SCAPER: variants seen among roughly 807,000 people sequenced by gnomAD.
SCAPER encodes S phase cyclin A-associated protein in the endoplasmic reticulum.
Under a neutral mutation model 182.2 loss-of-function variants are expected in SCAPER, and 98 were observed. The ratio of observed to expected loss-of-function variants is 0.54; its 90% CI spans 0.46 to 0.64. The LOEUF is 0.64. SCAPER is among the 30% of genes least tolerant of loss of function. The pLI, the probability that SCAPER is intolerant of heterozygous loss-of-function variation, is 0.00. For missense variants in SCAPER, 1,432 were observed against 1,690.0 expected (o/e 0.85, Z 2.68); for synonymous variants, 605 against 564.6 (o/e 1.07, Z -1.01).
chr15:76,806,713 A>G (rs1212994754), intron 5 of SCAPER, among the ~76,000 whole-genome samples: 4 of 152,040 alleles, frequency 2.6e-5, no homozygotes, highest in Non-Finnish European at 2.9e-5. Flanking sequence ...GGTTTCTCTT[A>G]TTTCTTACAA....
intron 23 of SCAPER, among the ~76,000 whole-genome samples, chr15:76,550,807 A>T (rs1372925178): frequency 6.6e-6 from 1 of 151,988 alleles, no homozygotes; most frequent in Non-Finnish European, 1.5e-5. Flanking sequence ...TTACATTTCC[A>T]CCAACAGTGT....
chr15:76,509,536 T>C (rs1294166007), intron 23 of SCAPER, among the ~76,000 whole-genome samples: 4 of 152,310 alleles, frequency 2.6e-5, no homozygotes, highest in Middle Eastern at 3.4e-3. Flanking sequence ...TTTACTCCAT[T>C]ATAGACTGAC....
intron 5 of SCAPER, among the ~76,000 whole-genome samples, chr15:76,833,929 C>T (rs1475424351): frequency 6.6e-6 from 1 of 152,212 alleles, no homozygotes; most frequent in East Asian, 1.9e-4. Context: ...CAACACCCCA[C>T]TGACAGTGTT....
Position 76,786,595 on chromosome 15 carries a change from T to C in SCAPER, c.772+8685A>G, listed in dbSNP as rs114105142. Among the ~76,000 whole-genome samples, 1,383 of 152,292 alleles carry C rather than the reference T, an allele frequency of 9.1e-3. 22 individuals carry two copies. Among genetic ancestry groups the C allele is most frequent in the African/African-American group, 0.032 (1,343 of 41,574 alleles). On this transcript the variant is annotated intron_variant, in intron 8 of 31. Coordinates refer to ENST00000563290, the MANE Select transcript of SCAPER (RefSeq NM_020843.4). ...TCTGGAACAAGGGAAAGGTGTCTCCTATCACCATGCTTATTCAATAGCTTG... is the reference window on the plus strand; with the variant it reads ...TCTGGAACAAGGGAAAGGTGTCTCCCATCACCATGCTTATTCAATAGCTTG...
intron 10 of SCAPER, among the ~76,000 whole-genome samples, chr15:76,769,126 A>T (rs1280472304): frequency 1.3e-5 from 2 of 152,096 alleles, no homozygotes; most frequent in Non-Finnish European, 2.9e-5. Flanking sequence ...TCTATAAAGA[A>T]CTTAAACAAA....
intron 22 of SCAPER, among the ~76,000 whole-genome samples, chr15:76,583,171 T>C (rs2048382108): frequency 6.6e-6 from 1 of 151,918 alleles, no homozygotes; most frequent in South Asian, 2.1e-4. Context: ...GCCAACATAG[T>C]GAAACCCTGT....
chr15:76,382,352 T>A (rs1024413399), intron 27 of SCAPER, among the ~76,000 whole-genome samples: 1 of 145,034 alleles, frequency 6.9e-6, no homozygotes, highest in South Asian at 2.3e-4. Context: ...AGGTATTTTT[T>A]ATTTTTTTCT....
chr15:76,614,488 C>T (rs1014470002), intron 22 of SCAPER, among the ~76,000 whole-genome samples: 8 of 152,114 alleles, frequency 5.3e-5, no homozygotes, highest in Non-Finnish European at 1.5e-5. Flanking sequence ...TCTCTGACCA[C>T]AACAGGATGA....
chr15:76,628,401 A>T (rs748291346), intron 21 of SCAPER, among the ~76,000 whole-genome samples: 1 of 152,080 alleles, frequency 6.6e-6, no homozygotes, highest in Non-Finnish European at 1.5e-5. Flanking sequence ...CAGTTTTTAT[A>T]GTTTTGGGTT....
intron 24 of SCAPER, among the ~76,000 whole-genome samples, chr15:76,483,583 A>G (rs2051328773): frequency 6.6e-6 from 1 of 152,182 alleles, no homozygotes; most frequent in South Asian, 2.1e-4. Flanking sequence ...TAGGAGAAAA[A>G]TACATGGAAA....
At chr15:76,484,779 A>C (rs560613208) in intron 24 of SCAPER, among the ~76,000 whole-genome samples, 3 of 152,372 alleles carry the variant, frequency 2.0e-5, no homozygotes, top group African/African-American at 7.2e-5. Flanking sequence ...AATGTGATTC[A>C]TCACATAAAC....
intron 27 of SCAPER, among the ~76,000 whole-genome samples, chr15:76,388,458 A>G (rs2043433568): frequency 6.7e-6 from 1 of 150,372 alleles, no homozygotes; most frequent in Admixed American, 6.6e-5. Context: ...CCTATCTCTG[A>G]AAAAAAAAAT....
chr15:76,723,168 G>C (rs1414222790), intron 17 of SCAPER, among the ~76,000 whole-genome samples: 1 of 152,010 alleles, frequency 6.6e-6, no homozygotes, highest in Non-Finnish European at 1.5e-5. Flanking sequence ...CTTTATTTCT[G>C]CCTTCATTTC....
At chr15:76,424,904 T>C (rs1355512837) in intron 26 of SCAPER, among the ~76,000 whole-genome samples, 1 of 152,210 alleles carries the variant, frequency 6.6e-6, no homozygotes, top group Non-Finnish European at 1.5e-5. Flanking sequence ...TATGAAATTC[T>C]GGGTTGAAAA....
chr15:76,850,553 C>A (rs762450468), intron 4 of SCAPER, among the ~76,000 whole-genome samples: 10 of 152,104 alleles, frequency 6.6e-5, no homozygotes, highest in Non-Finnish European at 1.3e-4. Flanking sequence ...CTTAACCAGG[C>A]TGAGCTGGCT....
chr15:76,385,685 C>T (rs547441531), intron 27 of SCAPER, among the ~76,000 whole-genome samples: 1 of 152,268 alleles, frequency 6.6e-6, no homozygotes, highest in South Asian at 2.1e-4. Flanking sequence ...CAACATCATT[C>T]ATCAGGGTTT....
intron 20 of SCAPER, among the ~76,000 whole-genome samples, chr15:76,698,405 T>TA: frequency 6.6e-6 from 1 of 152,314 alleles, no homozygotes; most frequent in South Asian, 2.1e-4. Context: ...TAATTATAGC[T>TA]ACCGTGAACT....
chr15:76,541,886 C>T (rs1463502420), intron 23 of SCAPER, among the ~76,000 whole-genome samples: 1 of 152,062 alleles, frequency 6.6e-6, no homozygotes, highest in East Asian at 1.9e-4. Context: ...AAAATACTTG[C>T]TTGTAACATT....
chr15:76,725,047 T>C (rs1273158851), intron 17 of SCAPER, among the ~76,000 whole-genome samples: 4 of 152,136 alleles, frequency 2.6e-5, no homozygotes, highest in Non-Finnish European at 5.9e-5. Flanking sequence ...AGACTGGAGC[T>C]GTTCCTATTC....
Sources: gnomAD v4.1 joint callset for allele counts (sites outside exome capture counted in the v4.1 genomes callset) on GRCh38, gnomAD v4.1.1 for gene constraint, MANE v1.5 for transcripts, NCBI Gene and HGNC (gene_info 2026-07-23, HGNC 2026-07-21) for gene names.